The following FGF9 variants were observed in gnomAD, a reference collection of about 807,000 sequenced individuals.
FGF9 encodes the protein fibroblast growth factor 9 (glia-activating factor).
Under a neutral mutation model 19.9 loss-of-function variants are expected in FGF9, and 3 were observed. The ratio of observed to expected loss-of-function variants is 0.15; its 90% CI spans 0.07 to 0.39. The LOEUF (loss-of-function observed/expected upper bound fraction) is 0.39, where lower values mean the gene tolerates loss of function less well. Among genes scored for constraint, FGF9 ranks in the 10% least tolerant of loss-of-function variants. The probability of loss-of-function intolerance (pLI) is 1.00; values close to 1 mark genes in which losing one functional copy is unlikely to be tolerated. For missense variants in FGF9, 175 were observed against 256.8 expected (o/e 0.68, Z 2.18); for synonymous variants, 107 against 106.9 (o/e 1.00, Z -0.01).
intron 1 of FGF9, among the ~76,000 whole-genome samples, chr13:21,676,406 T>TC (rs1011267687): frequency 3.3e-5 from 5 of 152,192 alleles, no homozygotes; most frequent in African/African-American, 1.2e-4. Context: ...TTAATTCTGT[T>TC]CTATGTATCT....
At chr13:21,693,446 A>G (rs1872337814) in intron 2 of FGF9, among the ~76,000 whole-genome samples, 1 of 152,106 alleles carries the variant, frequency 6.6e-6, no homozygotes, top group African/African-American at 2.4e-5. Flanking sequence ...CCACGTGGAA[A>G]TATCATATAG....
At chr13:21,699,532 G>A (rs1026396141) in intron 2 of FGF9, among the ~76,000 whole-genome samples, 3 of 152,168 alleles carry the variant, frequency 2.0e-5, no homozygotes, top group East Asian at 1.9e-4. Context: ...CCTAGAGAAG[G>A]TGGCCTCATG....
In FGF9 at chr13:21,671,369, C is replaced by A. The variant is rs1048801271; in HGVS notation, c.-544C>A. 9 of 395,546 alleles carry A rather than the reference C, an allele frequency of 2.3e-5. No homozygotes were observed. The highest frequency in any genetic ancestry group is 1.6e-4 in the African/African-American group (8 of 48,564). The allele number at this position is 395,546 out of a possible 1,614,324, so 24.5% of individuals were successfully genotyped here. On this transcript the variant is annotated 5_prime_UTR_variant, in exon 1 of 3. Transcript: ENST00000382353. ...AGGGGAGATTTGTCGCCGCCACCAA[C>A]GTGAGATTTTTTTTTCCCCTTGAAG...
intron 2 of FGF9, among the ~76,000 whole-genome samples, chr13:21,687,718 A>T (rs945492838): frequency 1.3e-5 from 2 of 152,170 alleles, no homozygotes; most frequent in Non-Finnish European, 1.5e-5. Context: ...TATCTCAGAC[A>T]CACCACCGAT....
Position 21,671,142 on chromosome 13 carries a change from G to C in FGF9, c.-771G>C, listed in dbSNP as rs1045450611. Among the ~76,000 whole-genome samples the C allele has an allele frequency of 6.6e-6, 1 of 152,326 alleles. No homozygotes were observed. The highest frequency in any genetic ancestry group is 2.1e-4 in the South Asian group (1 of 4,832). On this transcript the variant is annotated 5_prime_UTR_variant, in exon 1 of 3. Transcript: ENST00000382353. ...CCCGGCTACAACGCTCCGCGAGCCG[G>C]CGCGGCAACACCTGTTCGCGGCAGC...
chr13:21,678,875 T>A (rs542096948), intron 1 of FGF9, among the ~76,000 whole-genome samples: 2 of 152,344 alleles, frequency 1.3e-5, no homozygotes, highest in South Asian at 4.1e-4. Flanking sequence ...TTTCAGGGTA[T>A]GTATGACCCA....
At position 21,704,021 on chromosome 13, in the gene FGF9, A is replaced by G. The variant is rs886050063; in HGVS notation, c.*2586A>G. 1 of 152,088 alleles carries G rather than the reference A, an allele frequency of 6.6e-6. No homozygotes were observed. The highest frequency in any genetic ancestry group is 3.2e-3 in the Middle Eastern group (1 of 316). The allele number at this position is 152,088 out of a possible 1,614,324, so 9.4% of individuals were successfully genotyped here. On this transcript the variant is annotated 3_prime_UTR_variant, in exon 3 of 3. Transcript: ENST00000382353. ...GTGGAACTGGGAGAGTGGATGGCTC[A>G]GGGTTTCGGTGTGGGCATTGTCTCT...
intron 2 of FGF9, among the ~76,000 whole-genome samples, chr13:21,700,138 A>C (rs1291904760): frequency 6.6e-6 from 1 of 152,044 alleles, no homozygotes; most frequent in East Asian, 1.9e-4. Context: ...ATAAAGCTCG[A>C]GTAGAGAGGA....
At chr13:21,689,081 C>T (rs1327215765) in intron 2 of FGF9, among the ~76,000 whole-genome samples, 1 of 152,162 alleles carries the variant, frequency 6.6e-6, no homozygotes, top group Non-Finnish European at 1.5e-5. Flanking sequence ...GGAACATGCT[C>T]AGGAATCCCG....
At position 21,701,580 on chromosome 13, in the gene FGF9, G is replaced by T; in HGVS notation, c.*145G>T. On this transcript the variant is annotated 3_prime_UTR_variant, in exon 3 of 3. Transcript: ENST00000382353. ...CATGCATAATGTATGATGGAGGCTT[G>T]GATGGGAATATGCTGATTTTGTTCT... The T allele has an allele frequency of 1.7e-6, 2 of 1,162,022 alleles. No homozygotes were observed. Among genetic ancestry groups the T allele is most frequent in the Non-Finnish European group, 2.5e-6 (2 of 791,110 alleles). The allele number at this position is 1,162,022 out of a possible 1,614,324, so 72.0% of individuals were successfully genotyped here.
At chr13:21,688,051 G>T (rs559902353) in intron 2 of FGF9, among the ~76,000 whole-genome samples, 1 of 152,166 alleles carries the variant, frequency 6.6e-6, no homozygotes, top group African/African-American at 2.4e-5. Flanking sequence ...AGTTGGGGAC[G>T]GAGGCCAACC....
intron 1 of FGF9, among the ~76,000 whole-genome samples, chr13:21,676,364 G>A (rs184764134): frequency 1.2e-4 from 19 of 152,196 alleles, no homozygotes; most frequent in African/African-American, 3.9e-4. Flanking sequence ...TTTTAAACAG[G>A]TGTTTAAAAC....
intron 2 of FGF9, among the ~76,000 whole-genome samples, chr13:21,698,261 C>A (rs565758505): frequency 6.6e-6 from 1 of 152,318 alleles, no homozygotes; most frequent in Admixed American, 6.5e-5. Context: ...AGACCAGGCG[C>A]AAATTGCTTC....
At chr13:21,673,823 C>T (rs1436635671) in intron 1 of FGF9, among the ~76,000 whole-genome samples, 1 of 150,930 alleles carries the variant, frequency 6.6e-6, no homozygotes, top group Non-Finnish European at 1.5e-5. Flanking sequence ...AGCTCCAGCC[C>T]TCCCGCGCTC....
Position 21,671,449 on chromosome 13 carries a change from C to A in FGF9, c.-464C>A. 1 of 428,306 alleles carries A rather than the reference C, an allele frequency of 2.3e-6. No individual in the cohort carries two copies. The highest frequency in any genetic ancestry group is 4.1e-6 in the Non-Finnish European group (1 of 244,110). 26.5% of individuals were successfully genotyped at this position (428,306 alleles called of 1,614,324 possible). A position where few individuals can be genotyped will look rare whatever the true frequency, so the allele number is the denominator to read the frequency against. On this transcript the variant is annotated 5_prime_UTR_variant, in exon 1 of 3. Coordinates refer to ENST00000382353, the MANE Select transcript of FGF9 (RefSeq NM_002010.3). ...AGAGAGTAAAAACAGCGCATGCCTT[C>A]CTGGAGTCAGGATCCGTAAATTCTG...
chr13:21,678,218 G>C (rs1871958818), intron 1 of FGF9, among the ~76,000 whole-genome samples: 1 of 152,054 alleles, frequency 6.6e-6, no homozygotes. Flanking sequence ...AAAGAAACGA[G>C]ATAGATATCT....
At chr13:21,692,498 C>T (rs145349315) in intron 2 of FGF9, among the ~76,000 whole-genome samples, 21 of 152,304 alleles carry the variant, frequency 1.4e-4, no homozygotes, top group Non-Finnish European at 2.5e-4. Flanking sequence ...GCCCCGGGAT[C>T]GCCACTTTGT....
At position 21,671,941 on chromosome 13, in the gene FGF9, A is replaced by G; in HGVS notation, c.29A>G (p.Tyr10Cys). The change falls in exon 1 of 3, where the codon TAT becomes TGT. Residue 10 changes from tyrosine (Y) to cysteine (C), a missense_variant. By Grantham distance (194) the Tyr-to-Cys change is radical. This residue lies in a region of FGF9 where 69 missense variants were observed against 73.6 expected (regional missense o/e 0.94). Coordinates refer to ENST00000382353, the MANE Select transcript of FGF9 (RefSeq NM_002010.3). ...GCTCCCTTAGGTGAAGTTGGGAACT[A>G]TTTCGGTGTGCAGGATGCGGTACCG... MAPLGEVGNYFGVQDAVPFG... is the reference protein window; with the variant it reads MAPLGEVGNCFGVQDAVPFG... 6.2e-7 allele frequency: 1 copy of G among 1,614,030 alleles called. No homozygotes were observed. The highest frequency in any genetic ancestry group is 8.5e-7 in the Non-Finnish European group (1 of 1,180,008).
chr13:21,687,567 A>AT (rs1419619896), intron 2 of FGF9, among the ~76,000 whole-genome samples: 1 of 152,218 alleles, frequency 6.6e-6, no homozygotes, highest in Non-Finnish European at 1.5e-5. Flanking sequence ...CTCACTGTAA[A>AT]TCCAGCCTTG....
Sources: allele counts gnomAD v4.1 joint callset (sites outside exome capture counted in the v4.1 genomes callset), GRCh38; gene constraint gnomAD v4.1.1; regional missense constraint gnomAD v4.1.1; transcripts MANE v1.5; gene names NCBI Gene and HGNC (gene_info 2026-07-23, HGNC 2026-07-21).